Variants in DNAJC11 observed in about 807,000 individuals in gnomAD.
The protein encoded by DNAJC11 is dnaJ homolog subfamily C member 11.
Under a neutral mutation model 78.6 loss-of-function variants are expected in DNAJC11, and 15 were observed. The observed-to-expected ratio is 0.19, with a 90% confidence interval of 0.13 to 0.29. The LOEUF is 0.29. Among genes scored for constraint, DNAJC11 ranks in the 10% least tolerant of loss-of-function variants. The probability of loss-of-function intolerance (pLI) is 1.00; values close to 1 mark genes in which losing one functional copy is unlikely to be tolerated. For missense variants in DNAJC11, 547 were observed against 709.6 expected, an observed-to-expected ratio of 0.77 and a Z score of 2.60; for synonymous variants, 292 against 272.1, an observed-to-expected ratio of 1.07 and a Z score of -0.72.
intron 10 of DNAJC11, among the ~76,000 whole-genome samples, chr1:6,643,502 C>G (rs1487857129): frequency 6.6e-6 from 1 of 151,984 alleles, no homozygotes; most frequent in Non-Finnish European, 1.5e-5. Flanking sequence ...GTCTCAATCT[C>G]CTGACCTCGT....
Position 6,644,689 on chromosome 1 carries a change from C to A in DNAJC11, c.981-15G>T. 1 of 1,607,000 alleles carries A rather than the reference C, an allele frequency of 6.2e-7. No homozygotes were observed. Among genetic ancestry groups the A allele is most frequent in the Non-Finnish European group, 8.5e-7 (1 of 1,173,512 alleles). ...AGAAGCCTGCTCTGCAGGGAGAGAACGCGGTCTGTGCCTGTGCCCCTCATT... is the reference window on the plus strand; with the variant it reads ...AGAAGCCTGCTCTGCAGGGAGAGAAAGCGGTCTGTGCCTGTGCCCCTCATT... On this transcript the variant is annotated splice_polypyrimidine_tract_variant and intron_variant, in intron 9 of 15. Transcript: ENST00000377577.
intron 4 of DNAJC11, among the ~76,000 whole-genome samples, chr1:6,661,333 C>CT (rs1303696855): frequency 1.3e-5 from 2 of 152,200 alleles, no homozygotes; most frequent in Non-Finnish European, 2.9e-5. Flanking sequence ...CACAGAATCA[C>CT]TTTATCTCAA....
chr1:6,690,788 G>A (rs1488701919), intron 1 of DNAJC11, among the ~76,000 whole-genome samples: 1 of 152,176 alleles, frequency 6.6e-6, no homozygotes, highest in Non-Finnish European at 1.5e-5. Flanking sequence ...GCTGGGCGTG[G>A]TGGCGGGCGC....
intron 4 of DNAJC11, among the ~76,000 whole-genome samples, chr1:6,660,556 C>A (rs567019081): frequency 7.9e-5 from 12 of 152,136 alleles, no homozygotes; most frequent in African/African-American, 2.9e-4. Context: ...TTATTCTCTG[C>A]GGAATGTTCA....
chr1:6,639,057 G>A (rs1337775653), intron 11 of DNAJC11, among the ~76,000 whole-genome samples: 1 of 152,154 alleles, frequency 6.6e-6, no homozygotes, highest in Non-Finnish European at 1.5e-5. Context: ...TAAGTGCAAT[G>A]CTTTACTAAA....
At chr1:6,636,267 C>T (rs1328380549) in intron 14 of DNAJC11, 21 bp from the exon 15 acceptor site, 34 of 1,613,060 alleles carry the variant, frequency 2.1e-5, no homozygotes, top group Non-Finnish European at 2.9e-5. Flanking sequence ...CAAATTGCTA[C>T]TCTCAATACT....
intron 1 of DNAJC11, among the ~76,000 whole-genome samples, chr1:6,688,521 T>C (rs1448024083): frequency 1.5e-4 from 23 of 152,144 alleles, no homozygotes; most frequent in Admixed American, 1.5e-3. Flanking sequence ...AAATTACACA[T>C]AGATCCCTAT....
intron 10 of DNAJC11, among the ~76,000 whole-genome samples, chr1:6,642,822 G>A (rs948986283): frequency 6.6e-6 from 1 of 152,210 alleles, no homozygotes; most frequent in African/African-American, 2.4e-5. Flanking sequence ...TCCAAGTAGA[G>A]ATTAGGAAGA....
At chr1:6,662,675 G>A (rs776667380) in intron 4 of DNAJC11, among the ~76,000 whole-genome samples, 19 of 152,014 alleles carry the variant, frequency 1.2e-4, no homozygotes, top group Admixed American at 7.2e-4. Context: ...CAATCAGCTC[G>A]CTGTAAAAAG....
At position 6,637,249 on chromosome 1, in the gene DNAJC11, G is replaced by A. The variant is rs1191961208; in HGVS notation, c.1473C>T (p.Pro491=). 1.2e-6 allele frequency: 2 copies of A among 1,613,976 alleles called. No homozygotes were observed. ...EKVKVIDVTV[P]LQCLVKDSKL... is the part of the protein sequence containing the mutation. ...TCGAGTCCTTCACCAGGCACTGCAGGGGCACAGTCACGTCAATCACCTTCA... is the reference window on the plus strand; with the variant it reads ...TCGAGTCCTTCACCAGGCACTGCAGAGGCACAGTCACGTCAATCACCTTCA... Residue 491 remains proline (P), a synonymous_variant, in exon 14 of 16, where the codon CCC becomes CCT. Transcript: ENST00000377577.
chr1:6,636,369 G>C, intron 14 of DNAJC11, 123 bp from the exon 15 acceptor site: 3 of 1,381,860 alleles, frequency 2.2e-6, no homozygotes, highest in Non-Finnish European at 2.9e-6. Flanking sequence ...GCAAACTTTG[G>C]GGCATGAAGA....
At chr1:6,642,745 G>A (rs566941794) in intron 10 of DNAJC11, among the ~76,000 whole-genome samples, 3 of 152,160 alleles carry the variant, frequency 2.0e-5, no homozygotes, top group Admixed American at 6.6e-5. Context: ...AAGGTTCTTC[G>A]TTTCTGGGGG....
At chr1:6,688,820 T>C (rs1226038369) in intron 1 of DNAJC11, among the ~76,000 whole-genome samples, 3 of 152,170 alleles carry the variant, frequency 2.0e-5, no homozygotes, top group Non-Finnish European at 4.4e-5. Context: ...TAAAGGGGCA[T>C]AAGAAGGCAG....
In DNAJC11 at chr1:6,634,802, C is replaced by T; in HGVS notation, c.*873G>A. 1 of 1,290,474 alleles carries T rather than the reference C, an allele frequency of 7.7e-7. No individual in the cohort carries two copies. 79.9% of individuals were successfully genotyped at this position (1,290,474 alleles called of 1,614,324 possible). The stretch of plus-strand genomic sequence containing the variant: ...AGTGCCACCTGCTGGGTACCACGGG[C>T]CGGGCCTGGGGTCCACGCCTTTGGG... On this transcript the variant is annotated 3_prime_UTR_variant, in exon 16 of 16. Transcript: ENST00000377577.
At position 6,634,973 on chromosome 1, in the gene DNAJC11, C is replaced by CTGTGTCA; in HGVS notation, c.*701_*702insTGACACA. 2.3e-6 allele frequency: 2 copies of CTGTGTCA among 861,548 alleles called. No individual in the cohort carries two copies. Among genetic ancestry groups the CTGTGTCA allele is most frequent in the Non-Finnish European group, 3.1e-6 (2 of 652,222 alleles). 53.4% of individuals were successfully genotyped at this position (861,548 alleles called of 1,614,324 possible). ...CGCTGGTGGCAGGGCGTTTTCCCAC[C>CTGTGTCA]GGGATACGGGAAGCCACCTGTGTCA... On this transcript the variant is annotated 3_prime_UTR_variant, in exon 16 of 16. Transcript: ENST00000377577.
At chr1:6,691,030 T>G (rs973781662) in intron 1 of DNAJC11, among the ~76,000 whole-genome samples, 1 of 152,068 alleles carries the variant, frequency 6.6e-6, no homozygotes, top group Admixed American at 6.5e-5. Flanking sequence ...AAAACAATTC[T>G]AAAAAGTTTC....
chr1:6,682,395 A>C (rs903017391), intron 1 of DNAJC11, among the ~76,000 whole-genome samples: 4 of 152,170 alleles, frequency 2.6e-5, no homozygotes, highest in Non-Finnish European at 5.9e-5. Flanking sequence ...TAAACAAGGA[A>C]TTCTGAAGGA....
At chr1:6,689,699 C>A (rs551617972) in intron 1 of DNAJC11, among the ~76,000 whole-genome samples, 1 of 151,938 alleles carries the variant, frequency 6.6e-6, no homozygotes, top group Non-Finnish European at 1.5e-5. Context: ...TTGCTTGAAC[C>A]CAGGAGGCGG....
chr1:6,692,345 C>T (rs745786973), intron 1 of DNAJC11, among the ~76,000 whole-genome samples: 1 of 151,900 alleles, frequency 6.6e-6, no homozygotes, highest in Non-Finnish European at 1.5e-5. Flanking sequence ...CTCTAAACTC[C>T]ACTTCCCGGG....
Sources: gnomAD v4.1 joint callset for allele counts (sites outside exome capture counted in the v4.1 genomes callset) on GRCh38, gnomAD v4.1.1 for gene constraint, MANE v1.5 for transcripts, NCBI Gene and HGNC (gene_info 2026-07-23, HGNC 2026-07-21) for gene names.